Variants in NLRC3 observed in about 807,000 individuals in gnomAD.
NLRC3 encodes the protein NLR family CARD domain-containing protein 3.
Under a neutral mutation model 91.6 loss-of-function variants are expected in NLRC3, and 87 were observed. The ratio of observed to expected loss-of-function variants is 0.95; its 90% CI spans 0.80 to 1.14. The LOEUF (loss-of-function observed/expected upper bound fraction) is 1.14. NLRC3 is among the 50% of genes most tolerant of loss of function. The probability of loss-of-function intolerance (pLI) is 0.00; values close to 1 mark genes in which losing one functional copy is unlikely to be tolerated. For synonymous variants in NLRC3, 694 were observed against 625.3 expected (o/e 1.11, Z -1.64); for missense variants, 1,577 against 1,418.6 (o/e 1.11, Z -1.79).
chr16:3,551,616 C>T (rs1490578416), intron 10 of NLRC3, among the ~76,000 whole-genome samples: 3 of 151,818 alleles, frequency 2.0e-5, no homozygotes, highest in African/African-American at 7.3e-5. Context: ...TCCATCCATC[C>T]ATCCATCCAT....
intron 10 of NLRC3, among the ~76,000 whole-genome samples, chr16:3,551,440 A>G (rs1567130770): frequency 3.4e-5 from 5 of 145,542 alleles, no homozygotes; most frequent in African/African-American, 1.3e-4. Context: ...CCATCCATTT[A>G]TCTACTCTAC....
At position 3,548,185 on chromosome 16, in the gene NLRC3, G is replaced by A. The variant is rs764888553; in HGVS notation, c.2721C>T (p.Ala907=). 23 of 1,595,786 alleles carry A rather than the reference G, an allele frequency of 1.4e-5. No individual in the cohort carries two copies. The South Asian group carries it at 2.6e-4, about 18-fold the overall frequency. ...GCTGTAGTGCTTGTCCCAGGGCCTGGGCAGCGCCGGCCTGGATGAAGTTCC... is the reference window on the plus strand; with the variant it reads ...GCTGTAGTGCTTGTCCCAGGGCCTGAGCAGCGCCGGCCTGGATGAAGTTCC... The part of the protein sequence containing the change: ...LQWNFIQAGA[A]QALGQALQLN... The change falls in exon 15 of 20, where the codon GCC becomes GCT. Residue 907 remains alanine (A), a synonymous_variant. Coordinates refer to ENST00000359128, the MANE Select transcript of NLRC3 (RefSeq NM_178844.4).
intron 1 of NLRC3, among the ~76,000 whole-genome samples, chr16:3,575,121 C>CA (rs2040236982): frequency 6.6e-6 from 1 of 152,208 alleles, no homozygotes; most frequent in Non-Finnish European, 1.5e-5. Flanking sequence ...TCTGATCTGG[C>CA]ATCCCTGCTC....
chr16:3,566,177 C>T (rs925453501), intron 2 of NLRC3, among the ~76,000 whole-genome samples: 2 of 148,976 alleles, frequency 1.3e-5, no homozygotes, highest in African/African-American at 2.5e-5. Flanking sequence ...GCGACATGTC[C>T]GTGTAGGTTT....
Position 3,544,262 on chromosome 16 carries a change from C to T in NLRC3, c.2839G>A (p.Ala947Thr). Residue 947 changes from alanine to threonine, a missense_variant, in exon 16 of 20, where the codon GCC (alanine) becomes ACC (threonine). Ala to Thr is a moderately conservative substitution (Grantham distance 58). Coordinates refer to ENST00000359128, the MANE Select transcript of NLRC3 (RefSeq NM_178844.4). ...AGGACTTACTAGAGAGCAGTGAGGG[C>T]TGTGTTGACCTTCAGTGCACGGGCC... ...AVARALKVNTALTALYLQVAS... is the reference protein window; with the variant it reads ...AVARALKVNTTLTALYLQVAS... 6.2e-7 allele frequency: 1 copy of T among 1,609,576 alleles called. No homozygotes were observed. The highest frequency in any genetic ancestry group is 1.3e-5 in the African/African-American group (1 of 74,908).
rs757730396 is a variant in NLRC3, at chr16:3,548,748, G to T, written c.2609C>A (p.Thr870Lys). 2.5e-6 allele frequency: 4 copies of T among 1,601,088 alleles called. No individual in the cohort carries two copies. The South Asian group carries it at 4.5e-5, about 18-fold the overall frequency. ...ANSTLKNLDLTANLLHDQGAR... is the reference protein window; with the variant it reads ...ANSTLKNLDLKANLLHDQGAR... ...ACCCTGGTCGTGGAGGAGGTTGGCT[G>T]TCAGGCTAGGAGGAAGGGAACAGGA... Residue 870 changes from threonine to lysine, a missense_variant, in exon 14 of 20, where the codon ACA becomes AAA. Physicochemically the swap from Thr to Lys is moderately conservative, Grantham distance 78. Transcript: ENST00000359128.
chr16:3,566,581 C>T (rs1408279735), intron 2 of NLRC3, among the ~76,000 whole-genome samples: 1 of 152,150 alleles, frequency 6.6e-6, no homozygotes, highest in African/African-American at 2.4e-5. Flanking sequence ...CAAAATTAGC[C>T]AAGTGTGGCA....
chr16:3,558,194 TAGTC>T (rs145547446), intron 6 of NLRC3, among the ~76,000 whole-genome samples: 7,606 of 151,974 alleles, frequency 0.05, 246 homozygotes, highest in Admixed American at 0.069. Flanking sequence ...ACATAAAAAT[TAGTC>T]AGGTGGCGCA....
chr16:3,557,469 G>C lies in NLRC3; in HGVS notation c.2099+124C>G. On this transcript the variant is annotated intron_variant, in intron 7 of 19. Transcript: ENST00000359128. ...ATGCTACCCAGGGGCTGAATCATGG[G>C]AATCAGGGAAGAACAGACAGGTAAG... is the stretch of plus-strand genomic sequence containing the variant. The C allele has an allele frequency of 6.4e-6, 4 of 626,960 alleles. No individual in the cohort carries two copies. In the South Asian group the frequency reaches 7.7e-5, roughly 12 times the overall value. The allele number at this position is 626,960 out of a possible 1,614,324, so 38.8% of individuals were successfully genotyped here.
intron 1 of NLRC3, 71 bp from the exon 2 acceptor site, chr16:3,567,395 A>T (rs1250250073): frequency 2.0e-5 from 3 of 152,222 alleles, no homozygotes; most frequent in Non-Finnish European, 4.4e-5. Flanking sequence ...CCTGCATTCA[A>T]AAATAACACC....
chr16:3,569,404 T>A (rs1274461556), intron 1 of NLRC3, among the ~76,000 whole-genome samples: 192 of 103,744 alleles, frequency 1.9e-3, no homozygotes, highest in East Asian at 5.7e-3. Context: ...ATTATTTTTT[T>A]TTTTTTTTTT....
At chr16:3,553,957 G>A (rs934495566) in intron 9 of NLRC3, among the ~76,000 whole-genome samples, 8 of 150,400 alleles carry the variant, frequency 5.3e-5, no homozygotes, top group East Asian at 2.0e-4. Flanking sequence ...ATTTTGGCCC[G>A]GCTGGTCTCA....
In NLRC3 at chr16:3,564,721, G is replaced by A. The variant is rs762700665; in HGVS notation, c.216C>T (p.Ser72=). The part of the protein sequence containing the change: ...RIQRHRKALL[S]KVGGGPELGG... Reference sequence around the variant, plus strand: ...CCAGCTCCGGGCCACCTCCCACCTTGCTCAGCAGGGCCTTGCGGTGCCTCT... The same window carrying A: ...CCAGCTCCGGGCCACCTCCCACCTTACTCAGCAGGGCCTTGCGGTGCCTCT... The change falls in exon 5 of 20, where the codon AGC becomes AGT. Residue 72 remains serine, a synonymous_variant. Transcript: ENST00000359128. This position sits in a 1 kb window ranked among gnomAD's most constrained non-coding sequence, Gnocchi z 5.9. 6.3e-6 allele frequency: 10 copies of A among 1,593,702 alleles called. No individual in the cohort carries two copies. In the East Asian group the frequency reaches 2.2e-4, roughly 36 times the overall value.
chr16:3,553,578 A>G (rs1003835917), intron 9 of NLRC3, among the ~76,000 whole-genome samples: 10 of 152,110 alleles, frequency 6.6e-5, no homozygotes, highest in Non-Finnish European at 1.5e-4. Context: ...TAGAAAAGTG[A>G]GCTTTCTGTC....
chr16:3,563,973 G>A lies in NLRC3; in HGVS notation c.964C>T (p.Leu322=). Residue 322 remains leucine (L), a synonymous_variant, in exon 5 of 20, where the codon CTG becomes TTG. Coordinates refer to ENST00000359128, the MANE Select transcript of NLRC3 (RefSeq NM_178844.4). ...MLSQVQADRA[L]YLMCTVPAFC... ...GCTGGGACGGTGCACATCAGGTACA[G>A]GGCCCTGTCAGCCTGCACTTGGCTC... The A allele has an allele frequency of 6.2e-7, 1 of 1,604,274 alleles. No individual in the cohort carries two copies. The highest frequency in any genetic ancestry group is 8.5e-7 in the Non-Finnish European group (1 of 1,178,070).
At chr16:3,550,812 A>G (rs1442470324) in intron 10 of NLRC3, among the ~76,000 whole-genome samples, 2 of 152,328 alleles carry the variant, frequency 1.3e-5, no homozygotes, top group East Asian at 3.9e-4. Context: ...CTGGGAAGAC[A>G]GTAAATGTGA....
At chr16:3,555,615 G>C (rs1183663066) in intron 8 of NLRC3, among the ~76,000 whole-genome samples, 1 of 152,068 alleles carries the variant, frequency 6.6e-6, no homozygotes, top group Non-Finnish European at 1.5e-5. Context: ...TGTCGCCCAG[G>C]CTGGAGTGCA....
chr16:3,575,574 G>C (rs928410178), intron 1 of NLRC3, among the ~76,000 whole-genome samples: 2 of 152,214 alleles, frequency 1.3e-5, no homozygotes, highest in Non-Finnish European at 2.9e-5. Context: ...AGCCTCCCAG[G>C]TAGCACCAGG....
At position 3,563,806 on chromosome 16, in the gene NLRC3, C is replaced by G. The variant is rs2039735943; in HGVS notation, c.1131G>C (p.Gln377His). 6.2e-7 allele frequency: 1 copy of G among 1,610,980 alleles called. No individual in the cohort carries two copies. Among genetic ancestry groups the G allele is most frequent in the African/African-American group, 1.3e-5 (1 of 75,020 alleles). Residue 377 changes from glutamine to histidine, a missense_variant, in exon 5 of 20, where the codon CAG becomes CAC. Gln to His is a conservative substitution (Grantham distance 24). Coordinates refer to ENST00000359128, the MANE Select transcript of NLRC3 (RefSeq NM_178844.4). ...TGCGAGGGCTTGCCTTGCCCTTCTC[C>G]TGCCCCTCCCCGCTGAGGGCCATCC... is the stretch of plus-strand genomic sequence containing the variant. The part of the protein sequence containing the change: ...YFRMALSGEG[Q>H]EKGKASPRIE...
Sources: gnomAD v4.1 joint callset for allele counts (sites outside exome capture counted in the v4.1 genomes callset) on GRCh38, gnomAD v4.1.1 for gene constraint, Gnocchi (gnomAD v3.1) non-coding constraint, MANE v1.5 for transcripts, NCBI Gene and HGNC (gene_info 2026-07-23, HGNC 2026-07-21) for gene names.